Variants in WFDC10B observed in about 807,000 individuals in gnomAD.
WFDC10B encodes protein WFDC10B.
Under a neutral mutation model 2.7 loss-of-function variants are expected in WFDC10B, and 1 was observed. The ratio of observed to expected loss-of-function variants is 0.38; its 90% CI spans 0.13 to 1.79. WFDC10B has a LOEUF of 1.79. Among genes scored for constraint, WFDC10B ranks in the 40% most tolerant of loss-of-function variants. The pLI, the probability that WFDC10B is intolerant of heterozygous loss-of-function variation, is 0.33. For missense variants in WFDC10B, 71 were observed against 87.8 expected (o/e 0.81, Z 0.76); for synonymous variants, 26 against 32.2 (o/e 0.81, Z 0.65).
intron 2 of WFDC10B, among the ~76,000 whole-genome samples, chr20:45,686,918 C>T (rs766096604): frequency 1.3e-5 from 2 of 152,106 alleles, no homozygotes; most frequent in Non-Finnish European, 2.9e-5. Context: ...GTATCAACCT[C>T]CCAAAGTCAT....
chr20:45,685,963 C>A lies in WFDC10B; in HGVS notation c.30G>T (p.Leu10=). 1 of 1,614,136 alleles carries A rather than the reference C, an allele frequency of 6.2e-7. No homozygotes were observed. The highest frequency in any genetic ancestry group is 8.5e-7 in the Non-Finnish European group (1 of 1,180,022). The change falls in exon 3 of 4, where the codon CTG becomes CTT. Residue 10 remains leucine (L), a synonymous_variant. Transcript: ENST00000330523. MAPQTLLLV[L]VLCVLLLQAQ... Reference sequence around the variant, plus strand: ...CCTGCAGCAGCAGCACACAGAGAACCAGGACAAGCAGCAGAGTCTGGGGTG... The same window carrying A: ...CCTGCAGCAGCAGCACACAGAGAACAAGGACAAGCAGCAGAGTCTGGGGTG...
chr20:45,688,789 G>T lies in WFDC10B; in HGVS notation c.-64-2733C>A, dbSNP rs1239838555. Among the ~76,000 whole-genome samples, 8 of 151,660 alleles carry T rather than the reference G, an allele frequency of 5.3e-5. No individual in the cohort carries two copies. In the South Asian group the frequency reaches 1.0e-3, roughly 20 times the overall value. ...TGCGAAAATTTTCTCCCATTTTATGGGTTGCCTGTTCTCTGATGGTAGTTT... is the reference window on the plus strand; with the variant it reads ...TGCGAAAATTTTCTCCCATTTTATGTGTTGCCTGTTCTCTGATGGTAGTTT... On this transcript the variant is annotated intron_variant, in intron 2 of 3. Coordinates refer to ENST00000330523, the MANE Select transcript of WFDC10B (RefSeq NM_172006.2).
chr20:45,692,301 A>C (rs1405666947), intron 2 of WFDC10B, among the ~76,000 whole-genome samples: 1 of 151,836 alleles, frequency 6.6e-6, no homozygotes, highest in Non-Finnish European at 1.5e-5. Flanking sequence ...GGTGAATCTG[A>C]CAATTATGTG....
chr20:45,693,598 C>T (rs1247715484), intron 2 of WFDC10B, among the ~76,000 whole-genome samples: 3 of 152,166 alleles, frequency 2.0e-5, no homozygotes, highest in Admixed American at 1.3e-4. Context: ...TGCTAGCAAT[C>T]AGCGAGACTC....
In WFDC10B at chr20:45,685,923, G is replaced by C. The variant is rs151333106; in HGVS notation, c.70C>G (p.Arg24Gly). 6.2e-7 allele frequency: 1 copy of C among 1,613,916 alleles called. No individual in the cohort carries two copies. ...CTACTCTGCATCCTCATCTTGTCAC[G>C]GTATCCTCCCTGGGCCTGCAGCAGC... ...VLLLQAQGGYRDKMRMQRIKV... is the reference protein window; with the variant it reads ...VLLLQAQGGYGDKMRMQRIKV... The change falls in exon 3 of 4, where the codon CGT (arginine) becomes GGT (glycine). Residue 24 changes from arginine (R) to glycine (G), a missense_variant. By Grantham distance (125) the Arg-to-Gly change is moderately radical (BLOSUM62 -2). Coordinates refer to ENST00000330523, the MANE Select transcript of WFDC10B (RefSeq NM_172006.2).
At chr20:45,694,097 T>C (rs1429378883) in intron 2 of WFDC10B, among the ~76,000 whole-genome samples, 1 of 152,244 alleles carries the variant, frequency 6.6e-6, no homozygotes, top group East Asian at 1.9e-4. Context: ...TTCACTCTGA[T>C]GATAGTCTAT....
intron 2 of WFDC10B, among the ~76,000 whole-genome samples, chr20:45,699,966 C>G (rs1184371829): frequency 2.0e-5 from 3 of 152,194 alleles, no homozygotes; most frequent in Non-Finnish European, 2.9e-5. Flanking sequence ...CGTGAGCCAC[C>G]GCACCCAGCC....
intron 2 of WFDC10B, chr20:45,702,150 C>G: frequency 6.2e-7 from 1 of 1,613,474 alleles, no homozygotes; most frequent in South Asian, 1.1e-5. Flanking sequence ...CTCTCCAGTT[C>G]CTGGTGGTGT....
chr20:45,697,696 G>T (rs145159158), intron 2 of WFDC10B, among the ~76,000 whole-genome samples: 22 of 150,362 alleles, frequency 1.5e-4, no homozygotes, highest in Middle Eastern at 3.5e-3. Flanking sequence ...TATTAAGACG[G>T]CATTACAATG....
intron 2 of WFDC10B, among the ~76,000 whole-genome samples, chr20:45,704,193 G>A (rs1984290794): frequency 6.6e-6 from 1 of 152,188 alleles, no homozygotes; most frequent in Admixed American, 6.6e-5. Context: ...GAACTACAAG[G>A]ATGGTGAATG....
At chr20:45,698,995 A>AGGAGGG (rs61099985) in intron 2 of WFDC10B, among the ~76,000 whole-genome samples, 24,989 of 144,368 alleles carry the variant, frequency 0.17, 2,420 homozygotes, top group East Asian at 0.31. Flanking sequence ...AAGGAGGAGA[A>AGGAGGG]GGAGGGGGAG....
chr20:45,704,380 C>A, intron 2 of WFDC10B, 117 bp downstream of exon 2: 1 of 1,544,610 alleles, frequency 6.5e-7, no homozygotes, highest in Non-Finnish European at 8.7e-7. Context: ...CCTGGGCTTT[C>A]TGAGTTCTGA....
chr20:45,702,159 G>A, intron 2 of WFDC10B: 1 of 1,613,480 alleles, frequency 6.2e-7, no homozygotes, highest in Non-Finnish European at 8.5e-7. Flanking sequence ...TCCTGGTGGT[G>A]TTCTGCCTAG....
chr20:45,697,674 A>G (rs954846636), intron 2 of WFDC10B, among the ~76,000 whole-genome samples: 2 of 151,146 alleles, frequency 1.3e-5, no homozygotes, highest in Admixed American at 1.3e-4. Flanking sequence ...TCTATATTGG[A>G]AGACTTAAAA....
In WFDC10B at chr20:45,685,273, C is replaced by T. The variant is rs954089306; in HGVS notation, c.92-313G>A. 7.2e-5 allele frequency among the ~76,000 whole-genome samples: 11 copies of T among 152,146 alleles called. No individual in the cohort carries two copies. In the South Asian group the frequency reaches 1.2e-3, roughly 17 times the overall value. On this transcript the variant is annotated intron_variant, in intron 3 of 3. Transcript: ENST00000330523. ...AAGTCACCCCCATAGAATCTATGGT[C>T]TGACCCTGAGAGCTCAAAGAAGCCT...
At chr20:45,691,466 G>A (rs1284019647) in intron 2 of WFDC10B, among the ~76,000 whole-genome samples, 2 of 150,446 alleles carry the variant, frequency 1.3e-5, no homozygotes, top group African/African-American at 2.5e-5. Flanking sequence ...TAATGTGTGG[G>A]AGTCTAAGTC....
rs140983316 is a variant in WFDC10B, at chr20:45,694,259, T to C, written c.-64-8203A>G. Among the ~76,000 whole-genome samples, 25 of 152,300 alleles carry C rather than the reference T, an allele frequency of 1.6e-4. No homozygotes were observed. In the East Asian group the frequency reaches 4.6e-3, roughly 28 times the overall value. On this transcript the variant is annotated intron_variant, in intron 2 of 3. Coordinates refer to ENST00000330523, the MANE Select transcript of WFDC10B (RefSeq NM_172006.2). ...AGATTTTCTTCTAGAGTTTTTATAG[T>C]CTGGAGTTTTACAGTTAAGCCTTTA... is the stretch of plus-strand genomic sequence containing the variant.
intron 2 of WFDC10B, among the ~76,000 whole-genome samples, chr20:45,699,661 A>G (rs1232814960): frequency 1.3e-5 from 2 of 152,206 alleles, no homozygotes; most frequent in African/African-American, 4.8e-5. Context: ...ATATCTAGCC[A>G]AACTATATGT....
chr20:45,698,883 G>A (rs558598045), intron 2 of WFDC10B, among the ~76,000 whole-genome samples: 21 of 151,072 alleles, frequency 1.4e-4, no homozygotes, highest in Middle Eastern at 3.4e-3. Context: ...CAGGAGAATC[G>A]CTTGAACCCA....
Sources: allele counts gnomAD v4.1 joint callset (sites outside exome capture counted in the v4.1 genomes callset), GRCh38; gene constraint gnomAD v4.1.1; transcripts MANE v1.5; gene names NCBI Gene and HGNC (gene_info 2026-07-23, HGNC 2026-07-21).